NFIB: variants seen among roughly 807,000 people sequenced by gnomAD.
NFIB encodes nuclear factor I B.
Under a neutral mutation model 61.5 loss-of-function variants are expected in NFIB, and 11 were observed. The ratio of observed to expected loss-of-function variants is 0.18; its 90% CI spans 0.11 to 0.30. The LOEUF (loss-of-function observed/expected upper bound fraction) is 0.30. Among genes scored for constraint, NFIB ranks in the 10% least tolerant of loss-of-function variants. The pLI is 1.00. For synonymous variants in NFIB, 260 were observed against 216.5 expected (o/e 1.20, Z -1.76); for missense variants, 471 against 608.9 (o/e 0.77, Z 2.38).
chr9:14,469,456 T>C, the NFIB span, among the ~76,000 whole-genome samples: 1 of 152,208 alleles, frequency 6.6e-6, no homozygotes, highest in Non-Finnish European at 1.5e-5. Flanking sequence ...AGGTATCAAA[T>C]CAGTGAGTTT....
chr9:14,166,618 C>T (rs1334297294), intron 3 of NFIB, among the ~76,000 whole-genome samples: 1 of 152,148 alleles, frequency 6.6e-6, no homozygotes, highest in Non-Finnish European at 1.5e-5. Flanking sequence ...TTTAGCTCAT[C>T]AAATTTTTCT....
At chr9:14,136,650 C>G (rs779614612) in intron 6 of NFIB, among the ~76,000 whole-genome samples, 11 of 152,080 alleles carry the variant, frequency 7.2e-5, no homozygotes, top group Non-Finnish European at 1.5e-4. Flanking sequence ...GTTGATTTAA[C>G]TGATGTGTTA....
intron 2 of NFIB, among the ~76,000 whole-genome samples, chr9:14,299,435 T>A (rs942446218): frequency 6.6e-6 from 1 of 152,230 alleles, no homozygotes; most frequent in East Asian, 1.9e-4. Context: ...TTTTGAGAAA[T>A]AGACTATTTT....
the NFIB span, among the ~76,000 whole-genome samples, chr9:14,419,653 T>C: frequency 6.6e-6 from 1 of 152,166 alleles, no homozygotes; most frequent in African/African-American, 2.4e-5. Context: ...TCTTCAGACA[T>C]TTCAGTATGG....
chr9:14,235,769 C>T (rs189919882), intron 2 of NFIB, among the ~76,000 whole-genome samples: 138 of 152,140 alleles, frequency 9.1e-4, no homozygotes, highest in Admixed American at 2.4e-3. Flanking sequence ...CTGATATGTA[C>T]AAGAAAGAAA....
chr9:14,196,459 G>GGGA (rs1400162570), intron 2 of NFIB, among the ~76,000 whole-genome samples: 3 of 152,060 alleles, frequency 2.0e-5, no homozygotes, highest in East Asian at 3.9e-4. Flanking sequence ...TCCTGTTTAA[G>GGGA]GGAGGGAATG....
rs376708693 is a variant in NFIB, at chr9:14,386,834, C to A, written c.108+11690G>T. The stretch of plus-strand genomic sequence containing the variant: ...CAAAGTCCATTCCATAGAATATCAG[C>A]TCCTTGGTGTGTTATTAGGTGCTCC... On this transcript the variant is annotated intron_variant, in intron 1 of 8. Transcript: ENST00000380934. Among the ~76,000 whole-genome samples, 16 of 152,308 alleles carry A rather than the reference C, an allele frequency of 1.1e-4. No individual in the cohort carries two copies. In the East Asian group the frequency reaches 2.9e-3, roughly 28 times the overall value.
chr9:14,212,831 A>C lies in NFIB; in HGVS notation c.563-33051T>G, dbSNP rs1730391944. Among the ~76,000 whole-genome samples the C allele has an allele frequency of 2.6e-5, 4 of 152,228 alleles. No individual in the cohort carries two copies. In the South Asian group the frequency reaches 6.2e-4, roughly 24 times the overall value. Reference sequence around the variant, plus strand: ...TTACGCTAACAACTGTGTTAGGTAGATATTACTATCCCCATTTCATAGATA... The same window carrying C: ...TTACGCTAACAACTGTGTTAGGTAGCTATTACTATCCCCATTTCATAGATA... On this transcript the variant is annotated intron_variant, in intron 2 of 10. Coordinates refer to ENST00000380953, the MANE Select transcript of NFIB (RefSeq NM_001190737.2).
intron 2 of NFIB, among the ~76,000 whole-genome samples, chr9:14,292,930 C>T (rs560970372): frequency 6.6e-6 from 1 of 152,128 alleles, no homozygotes; most frequent in South Asian, 2.1e-4. Flanking sequence ...AAAAAATTAT[C>T]GTCATCCCCT....
intron 3 of NFIB, among the ~76,000 whole-genome samples, chr9:14,163,356 T>C (rs1587191390): frequency 6.6e-6 from 1 of 151,980 alleles, no homozygotes; most frequent in Admixed American, 6.6e-5. Context: ...AAAGGGAGTT[T>C]AGGTCAACTG....
At chr9:14,134,534 C>A (rs1250163472) in intron 6 of NFIB, among the ~76,000 whole-genome samples, 9 of 152,070 alleles carry the variant, frequency 5.9e-5, no homozygotes, top group Admixed American at 5.9e-4. Context: ...TCTAAATATT[C>A]ATCAGCAAAG....
chr9:14,465,521 T>C, the NFIB span, among the ~76,000 whole-genome samples: 1 of 151,792 alleles, frequency 6.6e-6, no homozygotes. Context: ...TTTATGAAAA[T>C]TGTTGTCACC....
At chr9:14,306,939 A>T (rs758866783) in intron 2 of NFIB, 50 bp downstream of exon 2, 3 of 1,594,986 alleles carry the variant, frequency 1.9e-6, no homozygotes, top group Non-Finnish European at 2.6e-6. Flanking sequence ...GTCTACGGAG[A>T]TTTGTAGGCG....
chr9:14,396,119 T>A (rs1380087645), intron 1 of NFIB, among the ~76,000 whole-genome samples: 1 of 152,292 alleles, frequency 6.6e-6, no homozygotes, highest in South Asian at 2.1e-4. Flanking sequence ...CAATAAATAA[T>A]AGCTCTCGCA....
chr9:14,303,197 G>C (rs1037148034), intron 2 of NFIB, among the ~76,000 whole-genome samples: 3 of 152,168 alleles, frequency 2.0e-5, no homozygotes, highest in African/African-American at 7.2e-5. Flanking sequence ...GGCAAGTGAG[G>C]GAACTAGAAA....
the NFIB span, among the ~76,000 whole-genome samples, chr9:14,520,268 A>AT: frequency 2.0e-5 from 3 of 152,172 alleles, no homozygotes; most frequent in Admixed American, 2.0e-4. Context: ...AACTACACAC[A>AT]TTTTTTCCCT....
the NFIB span, among the ~76,000 whole-genome samples, chr9:14,432,389 C>T: frequency 6.6e-6 from 1 of 152,204 alleles, no homozygotes; most frequent in African/African-American, 2.4e-5. Flanking sequence ...TAAGCCCCTG[C>T]TACACCCATT....
At chr9:14,118,694 G>C (rs2038499299) in intron 8 of NFIB, among the ~76,000 whole-genome samples, 1 of 151,744 alleles carries the variant, frequency 6.6e-6, no homozygotes. Context: ...CATTAGGAAA[G>C]GATTATTCTA....
intron 2 of NFIB, among the ~76,000 whole-genome samples, chr9:14,239,382 A>T (rs2054123677): frequency 6.6e-6 from 1 of 152,224 alleles, no homozygotes; most frequent in Admixed American, 6.5e-5. Context: ...ACTTCAAATG[A>T]ATAAGGTTTA....
Sources: allele counts gnomAD v4.1 joint callset (sites outside exome capture counted in the v4.1 genomes callset), GRCh38; gene constraint gnomAD v4.1.1; transcripts MANE v1.5; gene names NCBI Gene and HGNC (gene_info 2026-07-23, HGNC 2026-07-21).